B4GALT5: variants seen among roughly 807,000 people sequenced by gnomAD.
B4GALT5 encodes beta-1,4-galactosyltransferase 5, also known as UDP-Gal:beta-GlcNAc beta-1,4-galactosyltransferase 5.
B4GALT5 carries 11 observed loss-of-function variants against 45.0 expected under a neutral mutation model. The observed-to-expected ratio is 0.24, with a 90% CI of 0.15 to 0.40. The LOEUF is 0.40. Among genes scored for constraint, B4GALT5 ranks in the 10% least tolerant of loss-of-function variants. The probability of loss-of-function intolerance (pLI) is 1.00; values close to 1 mark genes in which losing one functional copy is unlikely to be tolerated. For synonymous variants in B4GALT5, 185 were observed against 182.9 expected, an observed-to-expected ratio of 1.01 and a Z score of -0.09; for missense variants, 337 against 500.2, an observed-to-expected ratio of 0.67 and a Z score of 3.11.
chr20:49,650,538 G>A (rs1181706301), intron 2 of B4GALT5, among the ~76,000 whole-genome samples: 1 of 151,740 alleles, frequency 6.6e-6, no homozygotes, highest in Non-Finnish European at 1.5e-5. Flanking sequence ...TCAGGAGGCT[G>A]AGGAAGGAGA....
At chr20:49,691,608 CA>C (rs936410428) in intron 1 of B4GALT5, among the ~76,000 whole-genome samples, 305 of 152,220 alleles carry the variant, frequency 2.0e-3, no homozygotes, top group African/African-American at 6.9e-3. Context: ...ACCTGACAGT[CA>C]CTTTGCCTCT....
intron 2 of B4GALT5, among the ~76,000 whole-genome samples, chr20:49,648,825 A>G (rs959985184): frequency 4.6e-5 from 7 of 152,266 alleles, no homozygotes; most frequent in African/African-American, 1.7e-4. Flanking sequence ...CACAGAACTC[A>G]GACCAGGAGC....
At chr20:49,653,324 C>A (rs942026254) in intron 2 of B4GALT5, among the ~76,000 whole-genome samples, 1 of 152,160 alleles carries the variant, frequency 6.6e-6, no homozygotes, top group Admixed American at 6.5e-5. Flanking sequence ...TGTACTTACT[C>A]GCCAAAGATG....
intron 1 of B4GALT5, among the ~76,000 whole-genome samples, chr20:49,656,937 G>C (rs1441106770): frequency 1.3e-5 from 2 of 151,898 alleles, no homozygotes; most frequent in African/African-American, 4.8e-5. Context: ...TCTAGAAAAA[G>C]CATCAACTTA....
intron 1 of B4GALT5, among the ~76,000 whole-genome samples, chr20:49,713,130 G>T (rs932198255): frequency 6.6e-6 from 1 of 151,868 alleles, no homozygotes; most frequent in Admixed American, 6.5e-5. Flanking sequence ...CCGGGCACAT[G>T]GGCTCGGCGA....
At chr20:49,705,617 C>T (rs925580901) in intron 1 of B4GALT5, among the ~76,000 whole-genome samples, 3 of 152,094 alleles carry the variant, frequency 2.0e-5, no homozygotes, top group Admixed American at 1.3e-4. Flanking sequence ...ATGAAGTCAA[C>T]GGGAAATCAG....
intron 1 of B4GALT5, 34 bp downstream of exon 1, chr20:49,713,542 C>G (rs1179153523): frequency 6.5e-7 from 1 of 1,541,876 alleles, no homozygotes; most frequent in Non-Finnish European, 8.8e-7. Context: ...AAGGCCAGAG[C>G]GGCAGCCGCC....
chr20:49,676,058 C>T (rs1481145720), intron 1 of B4GALT5, among the ~76,000 whole-genome samples: 1 of 149,984 alleles, frequency 6.7e-6, no homozygotes, highest in African/African-American at 2.5e-5. Flanking sequence ...CCAGACAAAG[C>T]TTGGCATTTT....
At position 49,673,917 on chromosome 20, in the gene B4GALT5, T is replaced by C. The variant is rs2085726127; in HGVS notation, c.116-17215A>G. Among the ~76,000 whole-genome samples, 3 of 151,812 alleles carry C rather than the reference T, an allele frequency of 2.0e-5. No individual in the cohort carries two copies. In the South Asian group the frequency reaches 6.3e-4, roughly 32 times the overall value. ...TTTATTGTGTTATTCTTGCAACTTT[T>C]CTGTAAGTTTGAATTTTTTCATAAT... is the stretch of plus-strand genomic sequence containing the variant. On this transcript the variant is annotated intron_variant, in intron 1 of 8. Coordinates refer to ENST00000371711, the MANE Select transcript of B4GALT5 (RefSeq NM_004776.4).
At chr20:49,702,839 A>G (rs1032863605) in intron 1 of B4GALT5, among the ~76,000 whole-genome samples, 2 of 150,580 alleles carry the variant, frequency 1.3e-5, no homozygotes, top group African/African-American at 4.9e-5. Flanking sequence ...TGGGCAACAG[A>G]GCGAGAGTCC....
intron 1 of B4GALT5, among the ~76,000 whole-genome samples, chr20:49,668,860 C>T (rs2085703641): frequency 2.0e-5 from 3 of 152,018 alleles, no homozygotes; most frequent in South Asian, 2.1e-4. Context: ...GTGACACCCG[C>T]TCATACTAAG....
Position 49,636,018 on chromosome 20 carries a change from C to A in B4GALT5, c.*294G>T. 8.0e-6 allele frequency: 3 copies of A among 375,616 alleles called. No homozygotes were observed. Among genetic ancestry groups the A allele is most frequent in the Admixed American group, 8.0e-5 (2 of 25,010 alleles). 23.3% of individuals were successfully genotyped at this position (375,616 alleles called of 1,614,324 possible). ...TGGGTTCTGGAGACTGCGGCTAAGACAGGATGTGGGGTAGGAGATGGGGAG... is the reference window on the plus strand; with the variant it reads ...TGGGTTCTGGAGACTGCGGCTAAGAAAGGATGTGGGGTAGGAGATGGGGAG... On this transcript the variant is annotated 3_prime_UTR_variant, in exon 9 of 9. Coordinates refer to ENST00000371711, the MANE Select transcript of B4GALT5 (RefSeq NM_004776.4).
chr20:49,695,581 T>C (rs1422910743), intron 1 of B4GALT5, among the ~76,000 whole-genome samples: 2 of 152,110 alleles, frequency 1.3e-5, no homozygotes, highest in South Asian at 2.1e-4. Flanking sequence ...CCGGCTAATT[T>C]TGTATTTTTA....
intron 1 of B4GALT5, among the ~76,000 whole-genome samples, chr20:49,703,016 A>G (rs1214151769): frequency 6.6e-6 from 1 of 151,862 alleles, no homozygotes; most frequent in Non-Finnish European, 1.5e-5. Context: ...TACTAAAAAT[A>G]CAAAAAAATT....
At chr20:49,701,374 A>C (rs2085861127) in intron 1 of B4GALT5, among the ~76,000 whole-genome samples, 1 of 152,214 alleles carries the variant, frequency 6.6e-6, no homozygotes, top group African/African-American at 2.4e-5. Context: ...GTCAAATTTT[A>C]CTAAGTCAGA....
At chr20:49,640,823 GA>G (rs1490594142) in intron 5 of B4GALT5, among the ~76,000 whole-genome samples, 158 bp from the exon 6 acceptor site, 4 of 152,226 alleles carry the variant, frequency 2.6e-5, no homozygotes, top group Non-Finnish European at 5.9e-5. Context: ...GTGTGGCTCA[GA>G]AGTCACTGGA....
chr20:49,706,047 C>T (rs1297276602), intron 1 of B4GALT5, among the ~76,000 whole-genome samples: 1 of 150,470 alleles, frequency 6.6e-6, no homozygotes, highest in Non-Finnish European at 1.5e-5. Flanking sequence ...AAAAAATTAG[C>T]TGGGCATGGT....
At chr20:49,683,971 T>C (rs1226993158) in intron 1 of B4GALT5, among the ~76,000 whole-genome samples, 1 of 151,440 alleles carries the variant, frequency 6.6e-6, no homozygotes, top group African/African-American at 2.4e-5. Flanking sequence ...TAAAACCCTG[T>C]CTCTACTAAA....
chr20:49,647,724 C>T (rs8122923), intron 2 of B4GALT5, among the ~76,000 whole-genome samples: 71,002 of 152,020 alleles, frequency 0.47, 17,572 homozygotes, highest in South Asian at 0.66. Context: ...AATTCAACAC[C>T]ACGCCTTTCA....
Sources: allele counts gnomAD v4.1 joint callset (sites outside exome capture counted in the v4.1 genomes callset), GRCh38; gene constraint gnomAD v4.1.1; transcripts MANE v1.5; gene names NCBI Gene and HGNC (gene_info 2026-07-23, HGNC 2026-07-21).